The following SYNE2 variants were observed in gnomAD, a reference collection of about 807,000 sequenced individuals.
SYNE2 encodes spectrin repeat containing nuclear envelope protein 2.
Under a neutral mutation model 856.3 loss-of-function variants are expected in SYNE2, and 431 were observed. The observed-to-expected ratio is 0.50, with a 90% confidence interval of 0.47 to 0.55. The LOEUF (loss-of-function observed/expected upper bound fraction) is 0.55. SYNE2 is among the 20% of genes least tolerant of loss of function. The pLI, the probability that SYNE2 is intolerant of heterozygous loss-of-function variation, is 0.00. For synonymous variants in SYNE2, 2,923 were observed against 2,872.3 expected, an observed-to-expected ratio of 1.02 and a Z score of -0.56; for missense variants, 8,129 against 8,023.2, an observed-to-expected ratio of 1.01 and a Z score of -0.50.
chr14:64,026,555 T>C (rs773268365), intron 41 of SYNE2, 24 bp from the exon 42 acceptor site: 175 of 1,594,328 alleles, frequency 1.1e-4, no homozygotes, highest in Non-Finnish European at 1.5e-4. Flanking sequence ...AATGACATTA[T>C]AAAATCTCTT....
Position 63,981,038 on chromosome 14 carries a change from TTGTA to T in SYNE2, c.1707_1710del (p.Met569IlefsTer8). The T allele has an allele frequency of 6.3e-7, 1 of 1,579,608 alleles. No individual in the cohort carries two copies. The highest frequency in any genetic ancestry group is 8.7e-7 in the Non-Finnish European group (1 of 1,149,444). ...AGTATATGATGGTGAAATCTGATGTTTGTATGTATAGAAAAAATATATATAATGT... is the reference window on the plus strand; with the variant it reads ...AGTATATGATGGTGAAATCTGATGTTTGTATAGAAAAAATATATATAATGT... On this transcript the variant is annotated frameshift_variant, in exon 16 of 116. Transcript: ENST00000555002. LOFTEE classifies it high-confidence loss of function.
Position 63,791,956 on chromosome 14 carries a change from A to AC in SYNE2, c.-305+29970_-305+29971insC, listed in dbSNP as rs1348009629. Among the ~76,000 whole-genome samples, 15 of 150,726 alleles carry AC rather than the reference A, an allele frequency of 1.0e-4. 2 individuals carry two copies. Among genetic ancestry groups the AC allele is most frequent in the Non-Finnish European group, 1.6e-4 (11 of 67,566 alleles). ...GAGACTCCGTCTCAAAAAAAAAAAC[A>AC]AAAACAAAACTTAAAAATGAACAAA... On this transcript the variant is annotated intron_variant, in intron 1 of 23. Coordinates refer to the SYNE2 transcript ENST00000674003.
intron 10 of SYNE2, among the ~76,000 whole-genome samples, chr14:63,967,396 G>A (rs995291870): frequency 2.0e-5 from 3 of 152,236 alleles, no homozygotes; most frequent in South Asian, 4.1e-4. Context: ...TACTTGCGGA[G>A]AACAAACAAA....
At chr14:64,139,249 C>A (rs990870692) in intron 79 of SYNE2, among the ~76,000 whole-genome samples, 1 of 151,882 alleles carries the variant, frequency 6.6e-6, no homozygotes, top group African/African-American at 2.4e-5. Context: ...CCCCAAAGTG[C>A]TGGGATTACA....
intron 57 of SYNE2, among the ~76,000 whole-genome samples, chr14:64,086,403 T>A (rs2097561633): frequency 6.6e-6 from 1 of 152,246 alleles, no homozygotes; most frequent in African/African-American, 2.4e-5. Context: ...TTACTATAGC[T>A]TTACAGTAAG....
intron 30 of SYNE2, 69 bp downstream of exon 30, chr14:64,003,399 G>C: frequency 6.3e-7 from 1 of 1,588,540 alleles, no homozygotes; most frequent in South Asian, 1.1e-5. Context: ...TCTGTTAGGT[G>C]AAAGAAATTC....
chr14:64,112,957 C>T, intron 65 of SYNE2: 1 of 965,434 alleles, frequency 1.0e-6, no homozygotes, highest in Non-Finnish European at 1.2e-6. Context: ...GAGTGTGCAG[C>T]AATGTAAGCA....
intron 1 of SYNE2, among the ~76,000 whole-genome samples, chr14:63,878,762 C>T (rs761761266): frequency 1.3e-5 from 2 of 152,090 alleles, no homozygotes; most frequent in African/African-American, 2.4e-5. Context: ...AGCCTGGTCT[C>T]GAACTCTCCT....
chr14:64,185,271 A>AT (rs1567581539), intron 96 of SYNE2, among the ~76,000 whole-genome samples: 1 of 151,708 alleles, frequency 6.6e-6, no homozygotes, highest in Non-Finnish European at 1.5e-5. Flanking sequence ...CTTAAAAAAA[A>AT]AATAAAAATT....
intron 1 of SYNE2, among the ~76,000 whole-genome samples, chr14:63,838,787 G>A (rs1259335043): frequency 3.9e-5 from 6 of 152,074 alleles, no homozygotes; most frequent in African/African-American, 1.4e-4. Flanking sequence ...GGGATTACAG[G>A]TGTGAGCCAC....
At chr14:63,965,279 A>G (rs557074477) in intron 10 of SYNE2, among the ~76,000 whole-genome samples, 21 of 152,202 alleles carry the variant, frequency 1.4e-4, no homozygotes, top group South Asian at 1.0e-3. Context: ...AACATTTTCT[A>G]TGTAGCAGAT....
chr14:64,026,664 A>G lies in SYNE2; in HGVS notation c.6338A>G (p.Gln2113Arg), dbSNP rs772206760. Residue 2113 changes from glutamine (Q) to arginine (R), a missense_variant, in exon 42 of 116, where the codon CAG (glutamine) becomes CGG (arginine). By Grantham distance (43) the Gln-to-Arg change is conservative. This residue lies in a region of SYNE2 where 297 missense variants were observed against 380.9 expected (regional missense o/e 0.78). Coordinates refer to ENST00000555002, the MANE Select transcript of SYNE2 (RefSeq NM_182914.3). ...GAGAGCAGCGAGGCCCCGCTGGTTC[A>G]GAAGACCCTCACTGACATCAGCAAC... ...QAESSEAPLV[Q>R]KTLTDISNQW... The G allele has an allele frequency of 1.2e-4, 193 of 1,613,354 alleles. 2 individuals are homozygous for G. The Middle Eastern group carries it at 1.3e-3, about 11-fold the overall frequency.
intron 1 of SYNE2, among the ~76,000 whole-genome samples, chr14:63,773,237 T>C (rs1021943833): frequency 1.3e-5 from 2 of 152,142 alleles, no homozygotes; most frequent in Non-Finnish European, 2.9e-5. Flanking sequence ...TCTCACTCTG[T>C]CACCCAGGCT....
intron 95 of SYNE2, among the ~76,000 whole-genome samples, chr14:64,176,130 C>T (rs1020057711): frequency 2.0e-5 from 3 of 152,168 alleles, no homozygotes; most frequent in Admixed American, 2.0e-4. Context: ...ATCAGCTGTA[C>T]TGAATAATAG....
At position 63,993,948 on chromosome 14, in the gene SYNE2, A is replaced by G. The variant is rs772131308; in HGVS notation, c.2760A>G (p.Arg920=). 5.0e-6 allele frequency: 8 copies of G among 1,613,946 alleles called. No homozygotes were observed. The South Asian group carries it at 7.7e-5, about 16-fold the overall frequency. The part of the protein sequence containing the change: ...DIKMSLEEKS[R]DVCAKWESLH... ...AGATGTCTTTAGAAGAAAAGAGTAG[A>G]GATGTCTGTGCCAAATGGGAGGTAA... Residue 920 remains arginine (R), a synonymous_variant, in exon 22 of 116, where the codon AGA becomes AGG. Coordinates refer to ENST00000555002, the MANE Select transcript of SYNE2 (RefSeq NM_182914.3).
At chr14:63,902,737 A>G (rs1390086527) in intron 1 of SYNE2, among the ~76,000 whole-genome samples, 1 of 151,366 alleles carries the variant, frequency 6.6e-6, no homozygotes, top group Non-Finnish European at 1.5e-5. Flanking sequence ...TTTGTCACCC[A>G]GGCTGGAGTG....
chr14:63,776,590 T>A (rs927697854), intron 1 of SYNE2, among the ~76,000 whole-genome samples: 6 of 151,096 alleles, frequency 4.0e-5, no homozygotes, highest in Non-Finnish European at 5.9e-5. Flanking sequence ...ATTTCTTTTT[T>A]TCTTTCTTTC....
At chr14:63,865,532 C>G (rs574603828) in intron 1 of SYNE2, among the ~76,000 whole-genome samples, 6 of 151,994 alleles carry the variant, frequency 3.9e-5, no homozygotes, top group East Asian at 1.9e-4. Flanking sequence ...GGAGGCTACT[C>G]CCAAGTGGAG....
At chr14:63,780,308 C>A (rs753736927) in intron 1 of SYNE2, among the ~76,000 whole-genome samples, 1 of 152,060 alleles carries the variant, frequency 6.6e-6, no homozygotes, top group Admixed American at 6.6e-5. Context: ...CCGAGGCGGG[C>A]AGACGATTTG....
Sources: gnomAD v4.1 joint callset for allele counts (sites outside exome capture counted in the v4.1 genomes callset) on GRCh38, gnomAD v4.1.1 for gene constraint, gnomAD v4.1.1 regional missense constraint, MANE v1.5 for transcripts, NCBI Gene and HGNC (gene_info 2026-07-23, HGNC 2026-07-21) for gene names.